Variants in ZFAND1 observed in about 807,000 individuals in gnomAD.
ZFAND1 encodes AN1-type zinc finger protein 1.
Under a neutral mutation model 38.5 loss-of-function variants are expected in ZFAND1, and 40 were observed. That is an observed-to-expected ratio of 1.04 (90% CI 0.81 to 1.35). ZFAND1 has a LOEUF of 1.35. Ranked by LOEUF, ZFAND1 falls within the 40% of genes most tolerant of loss-of-function variation. The pLI is 0.00. For missense variants in ZFAND1, 346 were observed against 316.3 expected, an observed-to-expected ratio of 1.09 and a Z score of -0.71; for synonymous variants, 117 against 103.6, an observed-to-expected ratio of 1.13 and a Z score of -0.78.
intron 6 of ZFAND1, among the ~76,000 whole-genome samples, chr8:81,704,062 T>C (rs1232150458): frequency 6.6e-6 from 1 of 151,516 alleles, no homozygotes; most frequent in African/African-American, 2.4e-5. Flanking sequence ...GACCTCACTA[T>C]GTATTTAGAC....
intron 6 of ZFAND1, chr8:81,708,825 C>T: frequency 1.6e-6 from 2 of 1,260,470 alleles, no homozygotes; most frequent in Non-Finnish European, 2.0e-6. Flanking sequence ...CTCCAGATTA[C>T]TCATCTGTGA....
intron 5 of ZFAND1, 170 bp downstream of exon 5, chr8:81,714,634 C>T (rs56996119): frequency 0.051 from 30,843 of 607,938 alleles, 1,431 homozygotes; most frequent in African/African-American, 0.18. Flanking sequence ...AAATTTCCAT[C>T]GGTCAGGTAG....
At chr8:81,712,884 C>T (rs1808179753) in intron 6 of ZFAND1, among the ~76,000 whole-genome samples, 1 of 151,756 alleles carries the variant, frequency 6.6e-6, no homozygotes, top group Non-Finnish European at 1.5e-5. Context: ...AATAAATGGC[C>T]AAAAATAGAC....
rs993256445 is a variant in ZFAND1 at position 81,702,510 on chromosome 8, G to A, written c.*185C>T. On this transcript the variant is annotated 3_prime_UTR_variant, in exon 8 of 8. Coordinates refer to ENST00000220669, the MANE Select transcript of ZFAND1 (RefSeq NM_024699.3). ...AGAATTTGCTAATAATTGAGGATCC[G>A]TACACAATTAAACTTAAAACCAAAA... The A allele has an allele frequency of 1.2e-5, 5 of 424,406 alleles. 1 individual carries two copies. The South Asian group carries it at 1.6e-4, about 13-fold the overall frequency. 26.3% of individuals were successfully genotyped at this position (424,406 alleles called of 1,614,324 possible). A position where few individuals can be genotyped will look rare whatever the true frequency, so the allele number is the denominator to read the frequency against.
chr8:81,706,882 C>T (rs1220723538), intron 6 of ZFAND1, among the ~76,000 whole-genome samples: 5 of 151,218 alleles, frequency 3.3e-5, no homozygotes, highest in African/African-American at 1.2e-4. Flanking sequence ...TGTTCTCAAC[C>T]TAAACAAAAA....
intron 6 of ZFAND1, among the ~76,000 whole-genome samples, chr8:81,711,332 A>T (rs1482865768): frequency 6.6e-6 from 1 of 152,138 alleles, no homozygotes; most frequent in Non-Finnish European, 1.5e-5. Flanking sequence ...GAATCGCTTG[A>T]ACCAGGGAGG....
chr8:81,712,795 A>C (rs1016937071), intron 6 of ZFAND1, among the ~76,000 whole-genome samples: 20 of 152,194 alleles, frequency 1.3e-4, no homozygotes, highest in Admixed American at 3.9e-4. Flanking sequence ...ACTCTCTCTA[A>C]TCTCAAATTC....
chr8:81,719,358 T>C (rs1808407127), intron 1 of ZFAND1, among the ~76,000 whole-genome samples: 1 of 59,212 alleles, frequency 1.7e-5, no homozygotes, highest in Admixed American at 1.7e-4. Flanking sequence ...CACACACAAA[T>C]TAGCTGGGCG....
rs928814242 is a variant in ZFAND1, at chr8:81,702,692, T to A, written c.*3A>T. Reference sequence around the variant, plus strand: ...GTGATTTCTGACTTGAATCTTTGAATGACTATTCCAAGTAAGATTCAACAT... The same window carrying A: ...GTGATTTCTGACTTGAATCTTTGAAAGACTATTCCAAGTAAGATTCAACAT... On this transcript the variant is annotated 3_prime_UTR_variant, in exon 8 of 8. Coordinates refer to ENST00000220669, the MANE Select transcript of ZFAND1 (RefSeq NM_024699.3). 1 of 1,491,824 alleles carries A rather than the reference T, an allele frequency of 6.7e-7. No homozygotes were observed. Among genetic ancestry groups the A allele is most frequent in the African/African-American group, 1.4e-5 (1 of 70,080 alleles). The allele number at this position is 1,491,824 out of a possible 1,614,324, so 92.4% of individuals were successfully genotyped here.
chr8:81,706,782 G>A (rs984092468), intron 6 of ZFAND1, among the ~76,000 whole-genome samples: 40 of 152,098 alleles, frequency 2.6e-4, no homozygotes, highest in African/African-American at 9.7e-4. Context: ...TTTTGGTGAT[G>A]TAGCTGAATA....
intron 1 of ZFAND1, among the ~76,000 whole-genome samples, chr8:81,718,850 ATG>A (rs1221704262): frequency 1.3e-5 from 2 of 151,528 alleles, no homozygotes; most frequent in African/African-American, 2.4e-5. Flanking sequence ...TATAAAGTAT[ATG>A]TGTGTGTGTT....
chr8:81,721,206 G>T, intron 1 of ZFAND1, 21 bp downstream of exon 1: 2 of 1,546,810 alleles, frequency 1.3e-6, no homozygotes, highest in South Asian at 1.2e-5. Context: ...CGGGGATGGG[G>T]GCTGGAAGCT....
intron 6 of ZFAND1, among the ~76,000 whole-genome samples, chr8:81,704,008 A>G (rs905762823): frequency 2.0e-5 from 3 of 152,164 alleles, no homozygotes; most frequent in African/African-American, 7.2e-5. Flanking sequence ...GTCACTTGCA[A>G]TTCAAAGATT....
intron 6 of ZFAND1, among the ~76,000 whole-genome samples, chr8:81,707,458 A>C (rs1808014634): frequency 6.6e-6 from 1 of 152,208 alleles, no homozygotes; most frequent in African/African-American, 2.4e-5. Flanking sequence ...CTCAGCTTCC[A>C]CATTTTGCTT....
At chr8:81,717,330 A>G in intron 2 of ZFAND1, 42 bp from the exon 3 acceptor site, 1 of 1,450,750 alleles carries the variant, frequency 6.9e-7, no homozygotes, top group South Asian at 1.5e-5. Flanking sequence ...TAACATACTT[A>G]AAGATAACTG....
At chr8:81,711,391 G>A (rs796161632) in intron 6 of ZFAND1, among the ~76,000 whole-genome samples, 9 of 152,094 alleles carry the variant, frequency 5.9e-5, no homozygotes, top group South Asian at 4.1e-4. Flanking sequence ...CAGCCTGGGC[G>A]ACAGAGCAAG....
At position 81,702,750 on chromosome 8, in the gene ZFAND1, T is replaced by C. The variant is rs1389203639; in HGVS notation, c.752A>G (p.Glu251Gly). 6.3e-7 allele frequency: 1 copy of C among 1,595,352 alleles called. No individual in the cohort carries two copies. Among genetic ancestry groups the C allele is most frequent in the Non-Finnish European group, 8.5e-7 (1 of 1,172,992 alleles). The change falls in exon 8 of 8, where the codon GAA becomes GGA. Residue 251 changes from glutamate to glycine, a missense_variant. Glu to Gly is a moderately conservative substitution (Grantham distance 98). Transcript: ENST00000220669. ...PLYNGGNIIL[E>G]YLNDEEQFCK... ...GAATTGTTCTTCATCATTAAGATAT[T>C]CCAAGATTATATTTCCACCATTATA... is the stretch of plus-strand genomic sequence containing the variant.
rs2130263 is a variant in ZFAND1 at position 81,721,217 on chromosome 8, C to G, written c.55+10G>C. On this transcript the variant is annotated intron_variant, in intron 1 of 7. Transcript: ENST00000220669. ...CGGCCGGGGATGGGGGCTGGAAGCT[C>G]CCGGATCACCTCGCTGCCGGCAATG... 0.15 allele frequency: 228,484 copies of G among 1,547,202 alleles called. 22,063 individuals carry two copies. The highest frequency in any genetic ancestry group is 0.58 in the East Asian group (23,693 of 40,878).
At position 81,702,113 on chromosome 8, in the gene ZFAND1, T is replaced by G. The variant is rs1807828781; in HGVS notation, c.*582A>C. On this transcript the variant is annotated 3_prime_UTR_variant, in exon 8 of 8. Coordinates refer to ENST00000220669, the MANE Select transcript of ZFAND1 (RefSeq NM_024699.3). ...GGCCTAAGATTCTTCATGTAAAAAT[T>G]ATAAGACTGAATAAAGATCACTTCT... 6.6e-6 allele frequency: 1 copy of G among 152,182 alleles called. No individual in the cohort carries two copies. Among genetic ancestry groups the G allele is most frequent in the Non-Finnish European group, 1.5e-5 (1 of 68,046 alleles). 9.4% of individuals were successfully genotyped at this position (152,182 alleles called of 1,614,324 possible). A position where few individuals can be genotyped will look rare whatever the true frequency, so the allele number is the denominator to read the frequency against.
Sources: gnomAD v4.1 joint callset for allele counts (sites outside exome capture counted in the v4.1 genomes callset) on GRCh38, gnomAD v4.1.1 for gene constraint, MANE v1.5 for transcripts, NCBI Gene and HGNC (gene_info 2026-07-23, HGNC 2026-07-21) for gene names.